The following PLA2G4A variants were observed in gnomAD, a reference collection of about 807,000 sequenced individuals.
PLA2G4A encodes the protein phospholipase A2 group IVA, also known as cytosolic phospholipase A2.
Under a neutral mutation model 81.9 loss-of-function variants are expected in PLA2G4A, and 40 were observed. The observed-to-expected ratio is 0.49, with a 90% confidence interval of 0.38 to 0.64. The LOEUF (loss-of-function observed/expected upper bound fraction) is 0.64, where lower values mean the gene tolerates loss of function less well. Ranked by LOEUF, PLA2G4A falls within the 30% of genes least tolerant of loss-of-function variation. The pLI is 0.00. For missense variants in PLA2G4A, 715 were observed against 905.1 expected (o/e 0.79, Z 2.69); for synonymous variants, 302 against 296.9 (o/e 1.02, Z -0.18).
intron 2 of PLA2G4A, among the ~76,000 whole-genome samples, chr1:186,858,687 T>C (rs752927118): frequency 1.3e-5 from 2 of 152,128 alleles, no homozygotes; most frequent in African/African-American, 4.8e-5. Context: ...ATATTTAGGC[T>C]ATAGTAATTA....
At chr1:186,871,482 G>C (rs967563365) in intron 3 of PLA2G4A, among the ~76,000 whole-genome samples, 1 of 152,122 alleles carries the variant, frequency 6.6e-6, no homozygotes, top group Non-Finnish European at 1.5e-5. Flanking sequence ...GTATCGTCCA[G>C]GAAACAGGTA....
intron 2 of PLA2G4A, among the ~76,000 whole-genome samples, chr1:186,859,897 A>T (rs1276158648): frequency 6.6e-6 from 1 of 152,106 alleles, no homozygotes; most frequent in African/African-American, 2.4e-5. Context: ...GTAAATTGTT[A>T]TGTGCACAAA....
At chr1:186,954,119 C>A (rs779343724) in intron 13 of PLA2G4A, among the ~76,000 whole-genome samples, 1 of 152,132 alleles carries the variant, frequency 6.6e-6, no homozygotes, top group South Asian at 2.1e-4. Context: ...ATAAATCATG[C>A]TACTATAAAG....
chr1:186,921,641 G>T (rs1655355382), intron 7 of PLA2G4A, among the ~76,000 whole-genome samples: 1 of 152,034 alleles, frequency 6.6e-6, no homozygotes, highest in East Asian at 1.9e-4. Flanking sequence ...TTATCTGGTG[G>T]AGGTGTAGGT....
At chr1:186,945,885 C>A (rs938010544) in intron 10 of PLA2G4A, among the ~76,000 whole-genome samples, 7 of 152,152 alleles carry the variant, frequency 4.6e-5, no homozygotes, top group African/African-American at 1.7e-4. Flanking sequence ...ATGTCCTCTT[C>A]TAAGCTCCTT....
chr1:186,935,227 T>G (rs1273721468), intron 8 of PLA2G4A, among the ~76,000 whole-genome samples: 1 of 151,790 alleles, frequency 6.6e-6, no homozygotes, highest in African/African-American at 2.4e-5. Context: ...TAAAAGTAAT[T>G]AAAAGATACT....
At chr1:186,958,230 T>A (rs1656824933) in intron 14 of PLA2G4A, among the ~76,000 whole-genome samples, 1 of 152,186 alleles carries the variant, frequency 6.6e-6, no homozygotes, top group African/African-American at 2.4e-5. Flanking sequence ...CCCAACAGGA[T>A]TCACTATGTT....
chr1:186,872,754 G>T lies in PLA2G4A; in HGVS notation c.115+2238G>T, dbSNP rs79131800. Among the ~76,000 whole-genome samples the T allele has an allele frequency of 9.1e-3, 1,386 of 152,126 alleles. 89 individuals carry two copies. In the East Asian group the frequency reaches 0.18, roughly 19 times the overall value. ...GTTTCATTTTAAATCTCTTTGAATTGATATTGATAATATTACTAGAAGAAT... is the reference window on the plus strand; with the variant it reads ...GTTTCATTTTAAATCTCTTTGAATTTATATTGATAATATTACTAGAAGAAT... On this transcript the variant is annotated intron_variant, in intron 3 of 17. Transcript: ENST00000367466.
At chr1:186,973,488 A>G (rs894863189) in intron 15 of PLA2G4A, among the ~76,000 whole-genome samples, 1 of 152,210 alleles carries the variant, frequency 6.6e-6, no homozygotes, top group African/African-American at 2.4e-5. Flanking sequence ...TCATATTCAC[A>G]GGGCCGAGGG....
intron 15 of PLA2G4A, among the ~76,000 whole-genome samples, chr1:186,974,163 A>G (rs1657453016): frequency 6.6e-6 from 1 of 152,026 alleles, no homozygotes; most frequent in Admixed American, 6.6e-5. Flanking sequence ...ATATGCTATC[A>G]TACTGTGTTT....
chr1:186,956,429 C>T (rs367917586), intron 14 of PLA2G4A, 85 bp downstream of exon 14: 3 of 1,173,952 alleles, frequency 2.6e-6, no homozygotes, highest in African/African-American at 1.5e-5. Flanking sequence ...TTATTATTAA[C>T]ACTTACTCAT....
At chr1:186,847,427 GTGTTTGT>G (rs1322188195) in intron 1 of PLA2G4A, among the ~76,000 whole-genome samples, 5 of 151,650 alleles carry the variant, frequency 3.3e-5, no homozygotes, top group Admixed American at 2.0e-4. Context: ...TTTTGTCAAT[GTGTTTGT>G]TTTTCTGGGA....
At chr1:186,895,956 A>G (rs1016355912) in intron 5 of PLA2G4A, among the ~76,000 whole-genome samples, 1 of 151,842 alleles carries the variant, frequency 6.6e-6, no homozygotes, top group Non-Finnish European at 1.5e-5. Context: ...AAGCAAGTTA[A>G]TTTTATTTAT....
At chr1:186,876,613 C>T (rs1471983425) in intron 3 of PLA2G4A, among the ~76,000 whole-genome samples, 3 of 152,098 alleles carry the variant, frequency 2.0e-5, no homozygotes, top group South Asian at 2.1e-4. Context: ...ATGTTGTCTT[C>T]GTGGATTCTG....
chr1:186,923,620 T>A (rs1335754193), intron 7 of PLA2G4A, among the ~76,000 whole-genome samples: 1 of 152,226 alleles, frequency 6.6e-6, no homozygotes, highest in Non-Finnish European at 1.5e-5. Flanking sequence ...AACTGAGGGA[T>A]GCAAGTGATT....
In PLA2G4A at chr1:186,946,962, G is replaced by A; in HGVS notation, c.1264+1G>A. 6.5e-7 allele frequency: 1 copy of A among 1,526,800 alleles called. No individual in the cohort carries two copies. Among genetic ancestry groups the A allele is most frequent in the Non-Finnish European group, 9.1e-7 (1 of 1,100,526 alleles). The allele number at this position is 1,526,800 out of a possible 1,614,324, so 94.6% of individuals were successfully genotyped here. On this transcript the variant is annotated splice_donor_variant, in intron 12 of 17. Coordinates refer to ENST00000367466, the MANE Select transcript of PLA2G4A (RefSeq NM_024420.3). LOFTEE classifies it high-confidence loss of function. ...GGCTCCACAATGGAGGAAGAATTAG[G>A]TATCCTAAAGATATGCTTACATTGA...
chr1:186,847,588 C>G (rs187378618), intron 1 of PLA2G4A, among the ~76,000 whole-genome samples: 2 of 152,142 alleles, frequency 1.3e-5, no homozygotes, highest in East Asian at 1.9e-4. Flanking sequence ...ACAGCCTACT[C>G]TTTGTGTTTT....
intron 7 of PLA2G4A, among the ~76,000 whole-genome samples, chr1:186,925,031 A>G (rs1248735909): frequency 1.3e-5 from 2 of 151,978 alleles, no homozygotes; most frequent in Admixed American, 1.3e-4. Flanking sequence ...CTGGGTGACA[A>G]AGTGAGATCT....
intron 3 of PLA2G4A, among the ~76,000 whole-genome samples, chr1:186,882,454 A>G (rs1653771963): frequency 6.6e-6 from 1 of 152,182 alleles, no homozygotes; most frequent in South Asian, 2.1e-4. Flanking sequence ...CTAAAAGTAC[A>G]GCAAAGATCT....
Sources: gnomAD v4.1 joint callset for allele counts (sites outside exome capture counted in the v4.1 genomes callset) on GRCh38, gnomAD v4.1.1 for gene constraint, MANE v1.5 for transcripts, NCBI Gene and HGNC (gene_info 2026-07-23, HGNC 2026-07-21) for gene names.